Variants in KCNIP4 observed in about 807,000 individuals in gnomAD.
KCNIP4 encodes Kv channel-interacting protein 4.
A neutral mutation model predicts 34.0 loss-of-function variants in KCNIP4; 12 were observed. The ratio of observed to expected loss-of-function variants is 0.35; its 90% CI spans 0.23 to 0.57. The LOEUF (loss-of-function observed/expected upper bound fraction) is 0.57, where lower values mean the gene tolerates loss of function less well. Ranked by LOEUF, KCNIP4 falls within the 20% of genes least tolerant of loss-of-function variation. KCNIP4 has a pLI of 0.83. For missense variants in KCNIP4, 238 were observed against 311.7 expected, an observed-to-expected ratio of 0.76 and a Z score of 1.78; for synonymous variants, 124 against 102.2, an observed-to-expected ratio of 1.21 and a Z score of -1.29.
intron 1 of KCNIP4, among the ~76,000 whole-genome samples, chr4:21,320,902 T>C (rs1714309562): frequency 6.9e-6 from 1 of 145,190 alleles, no homozygotes; most frequent in Non-Finnish European, 1.5e-5. Flanking sequence ...ACCCGAGAGG[T>C]TGCAACAAAC....
intron 3 of KCNIP4, among the ~76,000 whole-genome samples, chr4:20,776,508 A>T: frequency 6.6e-6 from 1 of 152,160 alleles, no homozygotes; most frequent in Non-Finnish European, 1.5e-5. Context: ...ATAAGGAGCA[A>T]TCCCTCCAGT....
At chr4:21,530,725 AATTT>A (rs1382005531) in intron 1 of KCNIP4, among the ~76,000 whole-genome samples, 1 of 149,836 alleles carries the variant, frequency 6.7e-6, no homozygotes, top group Non-Finnish European at 1.5e-5. Flanking sequence ...TAAGTATATT[AATTT>A]ATTTGTTTAT....
rs556353035 is a variant in KCNIP4, at chr4:21,577,198, G to A, written c.61+371373C>T. Among the ~76,000 whole-genome samples, 19 of 152,266 alleles carry A rather than the reference G, an allele frequency of 1.2e-4. No individual in the cohort carries two copies. The East Asian group carries it at 3.1e-3, about 25-fold the overall frequency. Reference sequence around the variant, plus strand: ...CTACACTGTGACTTCAGCCTAAGGAGTTTCCCCTGTCTGAAAAACCCTTGA... The same window carrying A: ...CTACACTGTGACTTCAGCCTAAGGAATTTCCCCTGTCTGAAAAACCCTTGA... On this transcript the variant is annotated intron_variant, in intron 1 of 8. Coordinates refer to ENST00000382152, the MANE Select transcript of KCNIP4 (RefSeq NM_025221.6).
At chr4:21,616,123 C>G (rs935326629) in intron 1 of KCNIP4, among the ~76,000 whole-genome samples, 2 of 152,182 alleles carry the variant, frequency 1.3e-5, no homozygotes, top group African/African-American at 4.8e-5. Context: ...CTTGTCTCAG[C>G]TCCTTCTGCC....
intron 1 of KCNIP4, among the ~76,000 whole-genome samples, chr4:21,634,349 CT>C (rs938398671): frequency 1.4e-4 from 21 of 151,406 alleles, no homozygotes; most frequent in African/African-American, 4.8e-4. Context: ...GATGGCATGG[CT>C]TTTTTTAACT....
At chr4:21,081,538 A>G (rs1314965111) in intron 1 of KCNIP4, among the ~76,000 whole-genome samples, 3 of 151,810 alleles carry the variant, frequency 2.0e-5, no homozygotes, top group Non-Finnish European at 4.4e-5. Context: ...ACTATAGAAG[A>G]AGAAATTATT....
intron 1 of KCNIP4, among the ~76,000 whole-genome samples, chr4:21,034,504 T>G (rs1419004607): frequency 6.6e-6 from 1 of 152,198 alleles, no homozygotes; most frequent in African/African-American, 2.4e-5. Flanking sequence ...TAATGCCCTA[T>G]GACTGGGGCA....
At chr4:21,554,335 T>C (rs1474196420) in intron 1 of KCNIP4, among the ~76,000 whole-genome samples, 1 of 152,054 alleles carries the variant, frequency 6.6e-6, no homozygotes, top group Admixed American at 6.6e-5. Flanking sequence ...GCTGTGCTTG[T>C]CACAAGAGGA....
intron 1 of KCNIP4, among the ~76,000 whole-genome samples, chr4:21,241,464 C>A (rs1188998484): frequency 6.6e-6 from 1 of 152,088 alleles, no homozygotes; most frequent in Non-Finnish European, 1.5e-5. Context: ...AAGTCAGAGG[C>A]TAATGGCTGA....
At chr4:21,715,695 T>C (rs892069745) in intron 1 of KCNIP4, among the ~76,000 whole-genome samples, 1 of 152,126 alleles carries the variant, frequency 6.6e-6, no homozygotes, top group South Asian at 2.1e-4. Flanking sequence ...AATAGAAAAA[T>C]TATATCTGCT....
rs1234945142 is a variant in KCNIP4, at chr4:20,882,830, C to T, written c.62-121G>A. On this transcript the variant is annotated intron_variant, in intron 1 of 8. Transcript: ENST00000382152. ...GGACGCAGCCATCCACTCAGGCAAT[C>T]ACAGGCAGTGGGTTGGGACCCCCGA... 7 of 652,388 alleles carry T rather than the reference C, an allele frequency of 1.1e-5. No homozygotes were observed. The East Asian group carries it at 1.9e-4, about 18-fold the overall frequency. The allele number at this position is 652,388 out of a possible 1,614,324, so 40.4% of individuals were successfully genotyped here. A position where few individuals can be genotyped will look rare whatever the true frequency, so the allele number is the denominator to read the frequency against.
At chr4:21,527,920 G>A (rs565572382) in intron 1 of KCNIP4, among the ~76,000 whole-genome samples, 97 of 152,144 alleles carry the variant, frequency 6.4e-4, no homozygotes, top group African/African-American at 2.1e-3. Flanking sequence ...TGCTGTTCCC[G>A]TAAGGAATCC....
chr4:21,029,705 G>T (rs972553179), intron 1 of KCNIP4, among the ~76,000 whole-genome samples: 1 of 152,144 alleles, frequency 6.6e-6, no homozygotes, highest in African/African-American at 2.4e-5. Flanking sequence ...AAAAGAGGTT[G>T]CTGTCAGCAT....
intron 1 of KCNIP4, among the ~76,000 whole-genome samples, chr4:21,747,446 A>G (rs1427416423): frequency 6.6e-6 from 1 of 152,164 alleles, no homozygotes; most frequent in Non-Finnish European, 1.5e-5. Flanking sequence ...AGAAATATAC[A>G]GCAAGGTGTG....
At chr4:21,149,637 A>C (rs1294233362) in intron 1 of KCNIP4, among the ~76,000 whole-genome samples, 1 of 152,212 alleles carries the variant, frequency 6.6e-6, no homozygotes, top group Non-Finnish European at 1.5e-5. Flanking sequence ...TGAAAAAATT[A>C]TACTGTATTA....
At chr4:20,896,030 A>T (rs1161801562) in intron 1 of KCNIP4, among the ~76,000 whole-genome samples, 2 of 152,174 alleles carry the variant, frequency 1.3e-5, no homozygotes, top group African/African-American at 4.8e-5. Flanking sequence ...CTAAAAATAC[A>T]CATATTCCAC....
chr4:21,154,057 G>A (rs568534940), intron 1 of KCNIP4, among the ~76,000 whole-genome samples: 2 of 151,994 alleles, frequency 1.3e-5, no homozygotes, highest in Non-Finnish European at 2.9e-5. Flanking sequence ...TTATCCTATT[G>A]CTGTGATGAT....
At chr4:21,711,975 G>T (rs1383742612) in intron 1 of KCNIP4, among the ~76,000 whole-genome samples, 1 of 152,136 alleles carries the variant, frequency 6.6e-6, no homozygotes, top group Non-Finnish European at 1.5e-5. Flanking sequence ...AAGTATCACA[G>T]CTTAAATGTG....
At chr4:21,056,531 T>C (rs1351549475) in intron 1 of KCNIP4, among the ~76,000 whole-genome samples, 3 of 152,158 alleles carry the variant, frequency 2.0e-5, no homozygotes, top group African/African-American at 7.2e-5. Flanking sequence ...CTCATTTCCC[T>C]TCATTATTCA....
Sources: allele counts gnomAD v4.1 joint callset (sites outside exome capture counted in the v4.1 genomes callset), GRCh38; gene constraint gnomAD v4.1.1; transcripts MANE v1.5; gene names NCBI Gene and HGNC (gene_info 2026-07-23, HGNC 2026-07-21).